The following PXDNL variants were observed in gnomAD, a reference collection of about 807,000 sequenced individuals.
PXDNL encodes the protein probable oxidoreductase PXDNL.
Under a neutral mutation model 150.8 loss-of-function variants are expected in PXDNL, and 145 were observed. That is an observed-to-expected ratio of 0.96 (90% CI 0.84 to 1.10). The LOEUF is 1.10. Ranked by LOEUF, PXDNL falls within the 50% of genes least tolerant of loss-of-function variation. The probability of loss-of-function intolerance (pLI) is 0.00; values close to 1 mark genes in which losing one functional copy is unlikely to be tolerated. For missense variants in PXDNL, 2,087 were observed against 1,873.9 expected, an observed-to-expected ratio of 1.11 and a Z score of -2.10; for synonymous variants, 757 against 725.7, an observed-to-expected ratio of 1.04 and a Z score of -0.69.
intron 1 of PXDNL, among the ~76,000 whole-genome samples, chr8:51,794,918 C>T (rs1320292596): frequency 6.6e-6 from 1 of 152,074 alleles, no homozygotes; most frequent in East Asian, 1.9e-4. Context: ...AGACTCATCT[C>T]GTGCAGACAC....
At chr8:51,778,576 T>C (rs2037380346) in intron 1 of PXDNL, among the ~76,000 whole-genome samples, 1 of 152,140 alleles carries the variant, frequency 6.6e-6, no homozygotes. Context: ...TCACAACTTT[T>C]CCAGTGAGAT....
chr8:51,319,908 A>C lies in PXDNL; in HGVS notation c.4375T>G (p.Ser1459Ala). 3.2e-6 allele frequency: 5 copies of C among 1,544,398 alleles called. No homozygotes were observed. Among genetic ancestry groups the C allele is most frequent in the Non-Finnish European group, 3.5e-6 (4 of 1,148,634 alleles). ...AACTTTTATTAGCGCTTCTCTGGGG[A>C]ATCACTTGGCATTCCTCGGTCTCTG... Reference protein sequence around the residue: ...VCRDRGMPSDSPEKR With the variant: ...VCRDRGMPSDAPEKR Residue 1459 changes from serine to alanine, a missense_variant, in exon 23 of 23, where the codon TCC becomes GCC. Physicochemically the swap from Ser to Ala is moderately conservative, Grantham distance 99 (BLOSUM62 1). Coordinates refer to ENST00000356297, the MANE Select transcript of PXDNL (RefSeq NM_144651.5).
At chr8:51,340,930 G>A (rs1413261702) in intron 20 of PXDNL, among the ~76,000 whole-genome samples, 2 of 152,200 alleles carry the variant, frequency 1.3e-5, no homozygotes, top group African/African-American at 2.4e-5. Context: ...CTAATCAAAG[G>A]TATTTAATCC....
intron 1 of PXDNL, among the ~76,000 whole-genome samples, chr8:51,668,621 ATT>A (rs1267227007): frequency 6.6e-6 from 1 of 152,224 alleles, no homozygotes; most frequent in Non-Finnish European, 1.5e-5. Context: ...CTGGTGCTGT[ATT>A]TCAGTTCAGA....
At chr8:51,516,674 T>C (rs1460461164) in intron 4 of PXDNL, among the ~76,000 whole-genome samples, 2 of 152,234 alleles carry the variant, frequency 1.3e-5, no homozygotes, top group African/African-American at 4.8e-5. Flanking sequence ...AGAAATGATA[T>C]AACTTGCCTC....
intron 2 of PXDNL, among the ~76,000 whole-genome samples, chr8:51,640,892 G>A (rs931419247): frequency 5.3e-4 from 81 of 151,962 alleles, no homozygotes; most frequent in African/African-American, 1.7e-3. Context: ...AGCCCGCATC[G>A]CCAAGTCAAT....
chr8:51,691,528 G>C (rs575427153), intron 1 of PXDNL, among the ~76,000 whole-genome samples: 3 of 151,018 alleles, frequency 2.0e-5, no homozygotes, highest in Non-Finnish European at 4.4e-5. Context: ...CTATTAACTA[G>C]AGACAAACAT....
rs1053335995 is a variant in PXDNL at position 51,719,868 on chromosome 8, G to A, written c.165-65108C>T. Among the ~76,000 whole-genome samples, 4 of 152,030 alleles carry A rather than the reference G, an allele frequency of 2.6e-5. No individual in the cohort carries two copies. In the East Asian group the frequency reaches 7.8e-4, roughly 30 times the overall value. Reference sequence around the variant, plus strand: ...ATTTTTTCAAAGATCAGTAAGCGGTGCGCTTAGAAGAGAAACAGCCTCTCT... The same window carrying A: ...ATTTTTTCAAAGATCAGTAAGCGGTACGCTTAGAAGAGAAACAGCCTCTCT... On this transcript the variant is annotated intron_variant, in intron 1 of 22. Coordinates refer to ENST00000356297, the MANE Select transcript of PXDNL (RefSeq NM_144651.5).
At chr8:51,324,515 T>C (rs1406392743) in intron 21 of PXDNL, among the ~76,000 whole-genome samples, 1 of 152,220 alleles carries the variant, frequency 6.6e-6, no homozygotes, top group Non-Finnish European at 1.5e-5. Flanking sequence ...TTCTTTGGAA[T>C]TGTCCTTCCC....
At chr8:51,603,824 G>C (rs1414490663) in intron 2 of PXDNL, among the ~76,000 whole-genome samples, 1 of 152,046 alleles carries the variant, frequency 6.6e-6, no homozygotes, top group Non-Finnish European at 1.5e-5. Flanking sequence ...GGTTGGAAGA[G>C]AAAAAATTGT....
At chr8:51,435,706 C>G (rs943200900) in intron 12 of PXDNL, 1 of 306,732 alleles carries the variant, frequency 3.3e-6, no homozygotes, top group Non-Finnish European at 6.6e-6. Flanking sequence ...TGGGCACCAC[C>G]GCAGAGGAGG....
At chr8:51,613,696 T>G (rs1315418122) in intron 2 of PXDNL, among the ~76,000 whole-genome samples, 3 of 152,160 alleles carry the variant, frequency 2.0e-5, no homozygotes, top group African/African-American at 7.2e-5. Flanking sequence ...TTTCTCCATT[T>G]TCTTCATAGG....
Position 51,339,834 on chromosome 8 carries a change from G to A in PXDNL, c.4017-81C>T, listed in dbSNP as rs1482637714. 7 of 1,440,282 alleles carry A rather than the reference G, an allele frequency of 4.9e-6. No homozygotes were observed. The South Asian group carries it at 6.5e-5, about 13-fold the overall frequency. The allele number at this position is 1,440,282 out of a possible 1,614,324, so 89.2% of individuals were successfully genotyped here. ...TTAAAATATCATCAAATCTTCTTTG[G>A]TCATTTGGCATGTACAAGGCATTGT... is the stretch of plus-strand genomic sequence containing the variant. On this transcript the variant is annotated intron_variant, in intron 20 of 22. Transcript: ENST00000356297.
chr8:51,673,468 T>C (rs1170347110), intron 1 of PXDNL, among the ~76,000 whole-genome samples: 1 of 152,158 alleles, frequency 6.6e-6, no homozygotes, highest in Non-Finnish European at 1.5e-5. Context: ...AATATACTTA[T>C]AGGCTTCCTC....
chr8:51,372,206 C>T (rs1182981183), intron 18 of PXDNL, 125 bp from the exon 19 acceptor site: 1 of 645,368 alleles, frequency 1.5e-6, no homozygotes, highest in African/African-American at 1.8e-5. Context: ...AAGAATTATG[C>T]TTGTTCTCCA....
At position 51,497,778 on chromosome 8, in the gene PXDNL, A is replaced by G. The variant is rs1247986350; in HGVS notation, c.452+1921T>C. Among the ~76,000 whole-genome samples, 37 of 152,336 alleles carry G rather than the reference A, an allele frequency of 2.4e-4. 1 individual carries two copies. The South Asian group carries it at 7.3e-3, about 30-fold the overall frequency. On this transcript the variant is annotated intron_variant, in intron 5 of 22. Transcript: ENST00000356297. ...ATGACGATCATTAAAAAGTCAGGAA[A>G]CAACAGGTGCTGGAGAGGATGTGGA...
Position 51,408,644 on chromosome 8 carries a change from C to T in PXDNL, c.2980G>A (p.Gly994Arg), listed in dbSNP as rs573097380. 1.1e-5 allele frequency: 17 copies of T among 1,606,906 alleles called. No individual in the cohort carries two copies. The highest frequency in any genetic ancestry group is 1.3e-5 in the African/African-American group (1 of 74,928). ...CTGGCTTCCTGGTAAACCGTGTTTC[C>T]CTCCCAGTGGGGGTTCAGGGCGGAC... ...ELSALNPHWEGNTVYQEARKI... is the reference protein window; with the variant it reads ...ELSALNPHWERNTVYQEARKI... Residue 994 changes from glycine to arginine, a missense_variant, in exon 17 of 23, where the codon GGA becomes AGA. Gly to Arg is a moderately radical substitution (Grantham distance 125). Coordinates refer to ENST00000356297, the MANE Select transcript of PXDNL (RefSeq NM_144651.5).
At chr8:51,369,456 C>T (rs1213649398) in intron 19 of PXDNL, among the ~76,000 whole-genome samples, 1 of 152,176 alleles carries the variant, frequency 6.6e-6, no homozygotes, top group Non-Finnish European at 1.5e-5. Flanking sequence ...TGTTAAGCCA[C>T]TCATTTTAAA....
chr8:51,684,814 A>T (rs1585672930), intron 1 of PXDNL, among the ~76,000 whole-genome samples: 1 of 152,302 alleles, frequency 6.6e-6, no homozygotes, highest in East Asian at 1.9e-4. Context: ...AAGAGCTAAG[A>T]ATGGTCCCCA....
Sources: gnomAD v4.1 joint callset for allele counts (sites outside exome capture counted in the v4.1 genomes callset) on GRCh38, gnomAD v4.1.1 for gene constraint, MANE v1.5 for transcripts, NCBI Gene and HGNC (gene_info 2026-07-23, HGNC 2026-07-21) for gene names.